The following CREBZF variants were observed in gnomAD, a reference collection of about 807,000 sequenced individuals.
The protein encoded by CREBZF is HCF-binding transcription factor Zhangfei.
CREBZF carries 8 observed loss-of-function variants against 21.1 expected under a neutral mutation model. That is an observed-to-expected ratio of 0.38 (90% CI 0.22 to 0.68). The LOEUF (loss-of-function observed/expected upper bound fraction) is 0.68, where lower values mean the gene tolerates loss of function less well. Among genes scored for constraint, CREBZF ranks in the 30% least tolerant of loss-of-function variants. The pLI, the probability that CREBZF is intolerant of heterozygous loss-of-function variation, is 0.51. For synonymous variants in CREBZF, 270 were observed against 223.3 expected (o/e 1.21, Z -1.86); for missense variants, 518 against 484.3 (o/e 1.07, Z -0.65).
intron 1 of CREBZF, among the ~76,000 whole-genome samples, chr11:85,680,379 T>G (rs2082969165): frequency 6.6e-6 from 1 of 152,218 alleles, no homozygotes; most frequent in Non-Finnish European, 1.5e-5. Context: ...AACAATGATG[T>G]AATGAATAAC....
chr11:85,682,758 G>A, exon 1 of CREBZF: 1 of 700,370 alleles, frequency 1.4e-6, no homozygotes, highest in East Asian at 2.7e-5. Context: ...TCCGGCCTCT[G>A]CCCATGGGAC....
intron 1 of CREBZF, among the ~76,000 whole-genome samples, chr11:85,673,651 G>A (rs1377417889): frequency 2.0e-5 from 3 of 152,278 alleles, no homozygotes; most frequent in Admixed American, 1.3e-4. Flanking sequence ...AAATATGACA[G>A]TAAAGTTTGC....
chr11:85,662,592 C>G lies in CREBZF; in HGVS notation c.*1219G>C, dbSNP rs1174959128. Reference sequence around the variant, plus strand: ...AATTTATACAACTGGTTAATAGATTCAAGGGAATAAATCCCACCTTAGGAA... The same window carrying G: ...AATTTATACAACTGGTTAATAGATTGAAGGGAATAAATCCCACCTTAGGAA... On this transcript the variant is annotated 3_prime_UTR_variant, in exon 1 of 1. Coordinates refer to ENST00000527447, the MANE Select transcript of CREBZF (RefSeq NM_001039618.4). 2 of 533,310 alleles carry G rather than the reference C, an allele frequency of 3.8e-6. No individual in the cohort carries two copies. Among genetic ancestry groups the G allele is most frequent in the South Asian group, 2.9e-5 (1 of 34,952 alleles). The allele number at this position is 533,310 out of a possible 1,614,324, so 33.0% of individuals were successfully genotyped here.
intron 1 of CREBZF, among the ~76,000 whole-genome samples, chr11:85,680,861 G>A (rs1474664440): frequency 6.6e-6 from 1 of 152,220 alleles, no homozygotes; most frequent in Non-Finnish European, 1.5e-5. Context: ...AGTCTAAATA[G>A]ATGTAGCACA....
intron 1 of CREBZF, among the ~76,000 whole-genome samples, chr11:85,672,861 G>A (rs781245751): frequency 3.3e-5 from 5 of 152,146 alleles, no homozygotes; most frequent in East Asian, 1.9e-4. Context: ...GGGAGAGGAC[G>A]AGACAAAAAT....
intron 1 of CREBZF, among the ~76,000 whole-genome samples, chr11:85,672,206 A>G (rs776264301): frequency 3.3e-5 from 5 of 152,240 alleles, no homozygotes; most frequent in Non-Finnish European, 7.3e-5. Flanking sequence ...CTACAGCTGG[A>G]GCATGCGGGA....
In CREBZF at chr11:85,664,423, G is replaced by A. The variant is rs778275023; in HGVS notation, c.453C>T (p.Ala151=). 1.2e-6 allele frequency: 2 copies of A among 1,613,778 alleles called. No individual in the cohort carries two copies. The highest frequency in any genetic ancestry group is 1.7e-6 in the Non-Finnish European group (2 of 1,180,028). ...GLWRGDDDDE[A]AAAEMQRFSD... is the part of the protein sequence containing the mutation. ...AGAAGCGCTGCATTTCAGCAGCCGC[G>A]GCCTCATCGTCATCGTCCCCTCTCC... Residue 151 remains alanine (A), a synonymous_variant, in exon 1 of 1, where the codon GCC becomes GCT. Transcript: ENST00000527447. This position sits in a 1 kb window ranked among gnomAD's most constrained non-coding sequence, Gnocchi z 5.5.
In CREBZF at chr11:85,665,064, G is replaced by A. The variant is rs540476400; in HGVS notation, c.-189C>T. On this transcript the variant is annotated 5_prime_UTR_variant, in exon 1 of 1. Transcript: ENST00000527447. ...CGCCAAGGCGCGGGGAGGGACGGGA[G>A]AACGAAGCGGTGAGGCCCTGCGATG... is the stretch of plus-strand genomic sequence containing the variant. 3.0e-4 allele frequency: 132 copies of A among 442,270 alleles called. 2 individuals carry two copies. Among genetic ancestry groups the A allele is most frequent in the African/African-American group, 2.3e-3 (114 of 48,958 alleles). 27.4% of individuals were successfully genotyped at this position (442,270 alleles called of 1,614,324 possible).
In CREBZF at chr11:85,664,926, A is replaced by ACGGGCCCCAAGGATCC. The variant is rs2082824747; in HGVS notation, c.-67_-52dup. 1 of 1,310,810 alleles carries ACGGGCCCCAAGGATCC rather than the reference A, an allele frequency of 7.6e-7. No homozygotes were observed. Among genetic ancestry groups the ACGGGCCCCAAGGATCC allele is most frequent in the Non-Finnish European group, 1.0e-6 (1 of 1,002,084 alleles). 81.2% of individuals were successfully genotyped at this position (1,310,810 alleles called of 1,614,324 possible). A position where few individuals can be genotyped will look rare whatever the true frequency, so the allele number is the denominator to read the frequency against. ...GCCCCGGCCGCTAAGAGTGGGCCTCACGGGCCCCAAGGATCCCAGGCCCCA... is the reference window on the plus strand; with the variant it reads ...GCCCCGGCCGCTAAGAGTGGGCCTCACGGGCCCCAAGGATCCCGGGCCCCAAGGATCCCAGGCCCCA... On this transcript the variant is annotated 5_prime_UTR_variant, in exon 1 of 1. Coordinates refer to ENST00000527447, the MANE Select transcript of CREBZF (RefSeq NM_001039618.4). The surrounding 1 kb of genome is among the most constrained non-coding windows in gnomAD (Gnocchi z 5.5).
rs1262128104 is a variant in CREBZF, at chr11:85,660,697, G to A, written c.*3114C>T. The A allele has an allele frequency of 2.5e-6, 1 of 402,704 alleles. No homozygotes were observed. The highest frequency in any genetic ancestry group is 2.1e-5 in the African/African-American group (1 of 46,752). The allele number at this position is 402,704 out of a possible 1,614,324, so 24.9% of individuals were successfully genotyped here. ...TCTTGTTGGATTATATCAGAGGTGT[G>A]ACTACATTTTAACAAAAGTGGACTT... On this transcript the variant is annotated 3_prime_UTR_variant, in exon 1 of 1. Coordinates refer to ENST00000527447, the MANE Select transcript of CREBZF (RefSeq NM_001039618.4).
Position 85,663,844 on chromosome 11 carries a change from G to C in CREBZF, c.1032C>G (p.Cys344Trp), listed in dbSNP as rs1285301369. The C allele has an allele frequency of 6.2e-7, 1 of 1,603,712 alleles. No homozygotes were observed. ...TAAGAGAAGACGACGCCTTCCGGGC[G>C]CACGCCGAGCAGAACTCCACCGACA... ...DKVSVEFCSACARKASSSLKM is the reference protein window; with the variant it reads ...DKVSVEFCSAWARKASSSLKM The change falls in exon 1 of 1, where the codon TGC becomes TGG. Residue 344 changes from cysteine (C) to tryptophan (W), a missense_variant. Cys to Trp is a radical substitution (Grantham distance 215). Transcript: ENST00000527447.
chr11:85,673,226 T>C (rs1209649079), intron 1 of CREBZF, among the ~76,000 whole-genome samples: 1 of 152,184 alleles, frequency 6.6e-6, no homozygotes, highest in African/African-American at 2.4e-5. Context: ...TTTACTGGAT[T>C]TTCTATAGCA....
At position 85,663,924 on chromosome 11, in the gene CREBZF, G is replaced by A. The variant is rs756195340; in HGVS notation, c.952C>T (p.Leu318=). 10 of 1,613,766 alleles carry A rather than the reference G, an allele frequency of 6.2e-6. No homozygotes were observed. The highest frequency in any genetic ancestry group is 1.7e-5 in the Admixed American group (1 of 60,014). The change falls in exon 1 of 1, where the codon CTG becomes TTG. Residue 318 remains leucine (L), a synonymous_variant. Transcript: ENST00000527447. ...LPVGKQKQDL[L]EEDDSAGGVC... Reference sequence around the variant, plus strand: ...CCTCCCGCCGAGTCGTCCTCTTCCAGCAGGTCCTGCTTCTGCTTTCCCACC... The same window carrying A: ...CCTCCCGCCGAGTCGTCCTCTTCCAACAGGTCCTGCTTCTGCTTTCCCACC...
chr11:85,668,315 C>CACCTAGTTTTTATGCAAACTTT (rs2082886450), upstream of CREBZF, among the ~76,000 whole-genome samples: 4 of 152,262 alleles, frequency 2.6e-5, no homozygotes, highest in South Asian at 4.1e-4. Flanking sequence ...TCATTTCTTT[C>CACCTAGTTTTTATGCAAACTTT]ACCTAGTTTT....
At chr11:85,668,719 G>GCGGC (rs2082888578), upstream of CREBZF, among the ~76,000 whole-genome samples, 1 of 151,792 alleles carries the variant, frequency 6.6e-6, no homozygotes, top group Non-Finnish European at 1.5e-5. Context: ...TAAGAAACAT[G>GCGGC]CGGCCGGGCG....
chr11:85,659,916 GCTCAAGAAGCCAAAAC>G lies in CREBZF; in HGVS notation c.*3879_*3894del, dbSNP rs1374652808. ...AACAGTATCAAGTACTCAAGAGAAA[GCTCAAGAAGCCAAAAC>G]CTCAAGAATCCATACATCCTGGTTG... On this transcript the variant is annotated 3_prime_UTR_variant, in exon 1 of 1. Transcript: ENST00000527447. 6.6e-6 allele frequency: 1 copy of G among 151,924 alleles called. No individual in the cohort carries two copies. The highest frequency in any genetic ancestry group is 2.4e-5 in the African/African-American group (1 of 41,420). 9.4% of individuals were successfully genotyped at this position (151,924 alleles called of 1,614,324 possible).
chr11:85,675,868 T>C (rs983293204), intron 1 of CREBZF, among the ~76,000 whole-genome samples: 3 of 152,194 alleles, frequency 2.0e-5, no homozygotes, highest in South Asian at 2.1e-4. Context: ...TGGATGAAAA[T>C]TGAAGAAATC....
At position 85,664,072 on chromosome 11, in the gene CREBZF, C is replaced by G. The variant is rs777533538; in HGVS notation, c.804G>C (p.Arg268=). 6.2e-7 allele frequency: 1 copy of G among 1,613,676 alleles called. No homozygotes were observed. Among genetic ancestry groups the G allele is most frequent in the Non-Finnish European group, 8.5e-7 (1 of 1,180,028 alleles). Residue 268 remains arginine, a synonymous_variant, in exon 1 of 1, where the codon CGG becomes CGC. Transcript: ENST00000527447. The surrounding 1 kb of genome is among the most constrained non-coding windows in gnomAD (Gnocchi z 5.5). Reference sequence around the variant, plus strand: ...GTCCAGTCTCGTTGGCTAAGACTGCCCGTAGGTAGCGACTCTCCTCCTGCA... The same window carrying G: ...GTCCAGTCTCGTTGGCTAAGACTGCGCGTAGGTAGCGACTCTCCTCCTGCA... ...QALQEESRYL[R]AVLANETGLA...
chr11:85,667,340 T>C (rs1047433147), upstream of CREBZF, among the ~76,000 whole-genome samples: 2 of 152,218 alleles, frequency 1.3e-5, no homozygotes, highest in Non-Finnish European at 2.9e-5. Flanking sequence ...CCCAAAGTGC[T>C]GGGATTGCAG....
Sources: allele counts gnomAD v4.1 joint callset (sites outside exome capture counted in the v4.1 genomes callset), GRCh38; gene constraint gnomAD v4.1.1; non-coding constraint Gnocchi (gnomAD v3.1); transcripts MANE v1.5; gene names NCBI Gene and HGNC (gene_info 2026-07-23, HGNC 2026-07-21).